ESRRG: variants seen among roughly 807,000 people sequenced by gnomAD.
The protein encoded by ESRRG is estrogen-related receptor gamma.
In ESRRG, 13 loss-of-function variants were observed where a neutral mutation model predicts 44.0. The observed-to-expected ratio is 0.30, with a 90% CI of 0.19 to 0.47. The LOEUF (loss-of-function observed/expected upper bound fraction) is 0.47, where lower values mean the gene tolerates loss of function less well. Among genes scored for constraint, ESRRG ranks in the 20% least tolerant of loss-of-function variants. ESRRG has a pLI of 1.00. For synonymous variants in ESRRG, 215 were observed against 214.6 expected (o/e 1.00, Z -0.02); for missense variants, 395 against 580.6 (o/e 0.68, Z 3.29).
intron 2 of ESRRG, among the ~76,000 whole-genome samples, chr1:216,767,343 T>C (rs2093134759): frequency 6.6e-6 from 1 of 151,984 alleles, no homozygotes; most frequent in African/African-American, 2.4e-5. Flanking sequence ...AATAAGGGCA[T>C]ACAGAAAGAA....
At chr1:216,934,328 G>A (rs932757691) in intron 2 of ESRRG, among the ~76,000 whole-genome samples, 1 of 152,144 alleles carries the variant, frequency 6.6e-6, no homozygotes, top group African/African-American at 2.4e-5. Flanking sequence ...CACCTACTTG[G>A]GAGGCTGAGG....
At chr1:216,983,557 C>G (rs971899789) in intron 1 of ESRRG, among the ~76,000 whole-genome samples, 18 of 152,198 alleles carry the variant, frequency 1.2e-4, no homozygotes, top group African/African-American at 4.1e-4. Context: ...GACACATCTT[C>G]AAAGACTTAC....
chr1:217,088,528 G>T (rs1338499953), intron 1 of ESRRG, among the ~76,000 whole-genome samples: 3 of 148,514 alleles, frequency 2.0e-5, no homozygotes, highest in Non-Finnish European at 4.4e-5. Context: ...CATGGCCACT[G>T]GTTCTGGTAC....
intron 1 of ESRRG, among the ~76,000 whole-genome samples, chr1:216,946,961 A>G (rs2066160389): frequency 6.6e-6 from 1 of 152,020 alleles, no homozygotes; most frequent in African/African-American, 2.4e-5. Flanking sequence ...CGGCCTCCCT[A>G]AGTGCCATTA....
At chr1:217,116,785 G>T (rs941854061) in intron 1 of ESRRG, among the ~76,000 whole-genome samples, 2 of 152,074 alleles carry the variant, frequency 1.3e-5, no homozygotes, top group Admixed American at 6.6e-5. Context: ...TGACTCTGCT[G>T]ACTCTCTCTC....
chr1:216,622,391 C>T (rs1021289704), intron 3 of ESRRG, among the ~76,000 whole-genome samples: 1 of 152,180 alleles, frequency 6.6e-6, no homozygotes, highest in Non-Finnish European at 1.5e-5. Context: ...TAAATGGAAA[C>T]TCATCTCTGC....
At chr1:216,981,056 C>T (rs1048892881) in intron 1 of ESRRG, among the ~76,000 whole-genome samples, 2 of 152,128 alleles carry the variant, frequency 1.3e-5, no homozygotes, top group Admixed American at 1.3e-4. Flanking sequence ...GATACCATGC[C>T]AGTCACTAAT....
chr1:216,884,859 A>T (rs1434797446), intron 2 of ESRRG, among the ~76,000 whole-genome samples: 2 of 152,210 alleles, frequency 1.3e-5, no homozygotes, highest in African/African-American at 4.8e-5. Flanking sequence ...ATACAGCAGT[A>T]TGTAAAGAGG....
intron 5 of ESRRG, among the ~76,000 whole-genome samples, chr1:216,560,700 GA>G (rs1169795079): frequency 6.6e-6 from 1 of 152,068 alleles, no homozygotes; most frequent in Non-Finnish European, 1.5e-5. Flanking sequence ...CAACCCATTC[GA>G]AAAAAGGCCA....
intron 1 of ESRRG, among the ~76,000 whole-genome samples, chr1:217,107,249 C>T (rs766577349): frequency 2.1e-4 from 32 of 152,198 alleles, no homozygotes; most frequent in Admixed American, 1.7e-3. Context: ...TTCCTTCGGA[C>T]GCTTGGATAA....
At chr1:216,917,282 A>C (rs1196442480) in intron 2 of ESRRG, among the ~76,000 whole-genome samples, 2 of 151,704 alleles carry the variant, frequency 1.3e-5, no homozygotes, top group Non-Finnish European at 2.9e-5. Flanking sequence ...TCTAGTGGTT[A>C]AAGTGAATCC....
intron 2 of ESRRG, among the ~76,000 whole-genome samples, chr1:216,896,785 G>A (rs1478557059): frequency 3.9e-5 from 6 of 152,104 alleles, no homozygotes; most frequent in Non-Finnish European, 7.4e-5. Context: ...AAAATGTAAG[G>A]TAAATAACTA....
At chr1:216,845,908 T>C (rs2095738353) in intron 2 of ESRRG, among the ~76,000 whole-genome samples, 1 of 152,098 alleles carries the variant, frequency 6.6e-6, no homozygotes, top group Non-Finnish European at 1.5e-5. Context: ...CACTCCTCTT[T>C]GAGAGGAAGG....
intron 2 of ESRRG, among the ~76,000 whole-genome samples, chr1:216,924,429 A>G (rs1390128490): frequency 6.6e-6 from 1 of 152,112 alleles, no homozygotes. Context: ...AAAGGGTCCA[A>G]TTCGCCTCCA....
At chr1:216,728,048 G>A (rs866589604), upstream of ESRRG, among the ~76,000 whole-genome samples, 8 of 152,234 alleles carry the variant, frequency 5.3e-5, no homozygotes, top group South Asian at 1.2e-3. Context: ...AACTACAGTA[G>A]CTCCAATGGG....
At chr1:216,577,778 A>T (rs11117626) in intron 3 of ESRRG, among the ~76,000 whole-genome samples, 74,297 of 150,298 alleles carry the variant, frequency 0.49, 18,598 homozygotes, top group African/African-American at 0.56. Flanking sequence ...AGATTTTTTT[A>T]AAAAAAAAGG....
At chr1:217,131,978 A>G (rs1420308455) in intron 1 of ESRRG, among the ~76,000 whole-genome samples, 1 of 152,126 alleles carries the variant, frequency 6.6e-6, no homozygotes, top group Non-Finnish European at 1.5e-5. Flanking sequence ...GACCTCTTAG[A>G]AAAAGAAATC....
intron 3 of ESRRG, among the ~76,000 whole-genome samples, chr1:216,578,469 C>A (rs1336153078): frequency 6.6e-6 from 1 of 151,904 alleles, no homozygotes; most frequent in Non-Finnish European, 1.5e-5. Context: ...CTCTGTTTAT[C>A]CAATAGAGAG....
intron 1 of ESRRG, among the ~76,000 whole-genome samples, chr1:216,994,332 C>T (rs973094425): frequency 1.3e-5 from 2 of 152,188 alleles, no homozygotes; most frequent in African/African-American, 4.8e-5. Context: ...ATGCATTTTA[C>T]AAATACCAAC....
Sources: allele counts gnomAD v4.1 joint callset (sites outside exome capture counted in the v4.1 genomes callset), GRCh38; gene constraint gnomAD v4.1.1; transcripts MANE v1.5; gene names NCBI Gene and HGNC (gene_info 2026-07-23, HGNC 2026-07-21).